The following DLG2 variants were observed in gnomAD, a reference collection of about 807,000 sequenced individuals.
DLG2 encodes disks large homolog 2.
DLG2 carries 45 observed loss-of-function variants against 132.5 expected under a neutral mutation model. The ratio of observed to expected loss-of-function variants is 0.34; its 90% CI spans 0.27 to 0.44. The LOEUF is 0.44. DLG2 is among the 20% of genes least tolerant of loss of function. DLG2 has a pLI of 1.00. For missense variants in DLG2, 1,045 were observed against 1,196.9 expected, an observed-to-expected ratio of 0.87 and a Z score of 1.87; for synonymous variants, 424 against 419.6, an observed-to-expected ratio of 1.01 and a Z score of -0.13.
chr11:83,549,008 G>A (rs770931738), intron 19 of DLG2, among the ~76,000 whole-genome samples: 4 of 152,138 alleles, frequency 2.6e-5, no homozygotes, highest in African/African-American at 2.4e-5. Context: ...ACTCCCTTCT[G>A]TGCTGTGAAC....
intron 6 of DLG2, among the ~76,000 whole-genome samples, chr11:84,814,588 C>T (rs1385645868): frequency 1.3e-5 from 2 of 152,038 alleles, no homozygotes; most frequent in East Asian, 3.9e-4. Context: ...TCTGAAACAC[C>T]TTAAATTACG....
At chr11:83,669,386 G>A (rs1014538738) in intron 18 of DLG2, among the ~76,000 whole-genome samples, 3 of 152,146 alleles carry the variant, frequency 2.0e-5, no homozygotes, top group Admixed American at 6.5e-5. Context: ...CTCATGGAAG[G>A]TGTACTCCAT....
At chr11:84,642,562 C>A (rs894587551) in intron 6 of DLG2, among the ~76,000 whole-genome samples, 1 of 152,054 alleles carries the variant, frequency 6.6e-6, no homozygotes, top group African/African-American at 2.4e-5. Flanking sequence ...AATAAGAGTG[C>A]CTGCCTTCCT....
chr11:84,439,728 C>T (rs1157093817), intron 7 of DLG2, among the ~76,000 whole-genome samples: 1 of 152,176 alleles, frequency 6.6e-6, no homozygotes, highest in Non-Finnish European at 1.5e-5. Flanking sequence ...ATTATTTCTG[C>T]ACACAAGTTG....
intron 7 of DLG2, among the ~76,000 whole-genome samples, chr11:84,263,708 A>C (rs1174305067): frequency 2.0e-5 from 3 of 152,298 alleles, no homozygotes; most frequent in Admixed American, 2.0e-4. Flanking sequence ...TTGACACTAG[A>C]TCATACACTA....
In DLG2 at chr11:85,596,259, C is replaced by T. The variant is rs546380401; in HGVS notation, c.40+2398G>A. 5.3e-5 allele frequency among the ~76,000 whole-genome samples: 8 copies of T among 152,096 alleles called. No individual in the cohort carries two copies. The East Asian group carries it at 1.2e-3, about 22-fold the overall frequency. The stretch of plus-strand genomic sequence containing the variant: ...AAAAAATTAGCCAGGTGTGGCAGCA[C>T]GCACCTGTAATCCCAGCTACTCAGG... On this transcript the variant is annotated intron_variant, in intron 3 of 27. Coordinates refer to ENST00000376104, the MANE Select transcript of DLG2 (RefSeq NM_001142699.3).
intron 6 of DLG2, among the ~76,000 whole-genome samples, chr11:85,019,863 C>G (rs1369017536): frequency 2.6e-5 from 4 of 152,132 alleles, no homozygotes; most frequent in African/African-American, 9.7e-5. Context: ...AATCCAGTCT[C>G]TCATTGATGG....
intron 4 of DLG2, among the ~76,000 whole-genome samples, chr11:85,275,885 T>C (rs2077858212): frequency 6.6e-6 from 1 of 151,694 alleles, no homozygotes; most frequent in Non-Finnish European, 1.5e-5. Context: ...TATAACACAA[T>C]GTAGAAAATA....
chr11:83,963,045 G>C lies in DLG2; in HGVS notation c.1202-22C>G, dbSNP rs756609290. 1.9e-6 allele frequency: 3 copies of C among 1,610,432 alleles called. No individual in the cohort carries two copies. The African/African-American group carries it at 4.0e-5, about 22-fold the overall frequency. ...TAAGCTAAGAGGTGGGGGAAAAAGA[G>C]AAAAGAAACCTGTTATGTGGGTGAT... is the stretch of plus-strand genomic sequence containing the variant. On this transcript the variant is annotated intron_variant, in intron 13 of 27. Coordinates refer to ENST00000376104, the MANE Select transcript of DLG2 (RefSeq NM_001142699.3).
intron 6 of DLG2, among the ~76,000 whole-genome samples, chr11:85,054,719 G>A (rs1339261789): frequency 6.6e-6 from 1 of 152,126 alleles, no homozygotes; most frequent in Non-Finnish European, 1.5e-5. Context: ...GCAGCAACAC[G>A]GATGCAGCTA....
chr11:83,514,344 G>A (rs2095197986), intron 21 of DLG2, among the ~76,000 whole-genome samples: 2 of 152,088 alleles, frequency 1.3e-5, no homozygotes, highest in Admixed American at 6.6e-5. Context: ...TGTTGTTGGT[G>A]TATAAGAATG....
chr11:84,165,646 T>C (rs2095644198), intron 8 of DLG2, among the ~76,000 whole-genome samples: 1 of 152,144 alleles, frequency 6.6e-6, no homozygotes, highest in African/African-American at 2.4e-5. Flanking sequence ...ACACCTGTAA[T>C]CTCAGCACTT....
At chr11:83,906,077 C>CTATA (rs1173246940) in intron 15 of DLG2, among the ~76,000 whole-genome samples, 4 of 97,172 alleles carry the variant, frequency 4.1e-5, no homozygotes, top group African/African-American at 9.3e-5. Context: ...CTCTCTCTCT[C>CTATA]TCTCTATATA....
intron 7 of DLG2, among the ~76,000 whole-genome samples, chr11:84,260,509 C>T (rs950732812): frequency 3.9e-5 from 6 of 152,216 alleles, no homozygotes; most frequent in African/African-American, 1.2e-4. Context: ...CAATGTCATG[C>T]TATATAAAGT....
chr11:85,061,048 T>C (rs1279773016), intron 6 of DLG2, among the ~76,000 whole-genome samples: 1 of 151,706 alleles, frequency 6.6e-6, no homozygotes, highest in Non-Finnish European at 1.5e-5. Context: ...TATGGAGAAA[T>C]GTCTACTCAA....
chr11:85,351,861 T>C (rs2083314643), intron 3 of DLG2, among the ~76,000 whole-genome samples: 1 of 152,220 alleles, frequency 6.6e-6, no homozygotes, highest in Non-Finnish European at 1.5e-5. Context: ...GATATTGGGC[T>C]AAAATTCTCT....
intron 18 of DLG2, among the ~76,000 whole-genome samples, chr11:83,693,569 G>C (rs1372426001): frequency 1.3e-5 from 2 of 152,248 alleles, no homozygotes; most frequent in East Asian, 3.9e-4. Flanking sequence ...TGATAAAAGG[G>C]AAAGTAATAC....
chr11:85,067,438 G>A (rs922280169), intron 6 of DLG2, among the ~76,000 whole-genome samples: 1 of 151,742 alleles, frequency 6.6e-6, no homozygotes, highest in African/African-American at 2.4e-5. Flanking sequence ...TGTGATGTTA[G>A]GGCGTCAATT....
intron 17 of DLG2, among the ~76,000 whole-genome samples, chr11:83,805,475 C>A (rs910497262): frequency 2.6e-5 from 4 of 151,256 alleles, no homozygotes; most frequent in Admixed American, 1.3e-4. Context: ...TTTGATATAT[C>A]ATATATTTGG....
Sources: allele counts gnomAD v4.1 joint callset (sites outside exome capture counted in the v4.1 genomes callset), GRCh38; gene constraint gnomAD v4.1.1; transcripts MANE v1.5; gene names NCBI Gene and HGNC (gene_info 2026-07-23, HGNC 2026-07-21).